KCNJ6: variants seen among roughly 807,000 people sequenced by gnomAD.
KCNJ6 encodes potassium inwardly rectifying channel subfamily J member 6, also known as G protein-activated inward rectifier potassium channel 2.
Under a neutral mutation model 34.2 loss-of-function variants are expected in KCNJ6, and 9 were observed. The ratio of observed to expected loss-of-function variants is 0.26; its 90% CI spans 0.16 to 0.46. The LOEUF (loss-of-function observed/expected upper bound fraction) is 0.46. Among genes scored for constraint, KCNJ6 ranks in the 20% least tolerant of loss-of-function variants. KCNJ6 has a pLI of 1.00. For missense variants in KCNJ6, 236 were observed against 531.3 expected, an observed-to-expected ratio of 0.44 and a Z score of 5.46; for synonymous variants, 196 against 207.1, an observed-to-expected ratio of 0.95 and a Z score of 0.46.
chr21:37,655,211 G>A lies in KCNJ6; in HGVS notation c.947-29727C>T, dbSNP rs2054453362. Among the ~76,000 whole-genome samples the A allele has an allele frequency of 1.2e-4, 7 of 58,996 alleles. No individual in the cohort carries two copies. The East Asian group carries it at 2.2e-3, about 19-fold the overall frequency. The allele number at this position is 58,996 out of a possible 152,430, so 38.7% of individuals were successfully genotyped here. ...TGTGTGTGTGTGTGTGTGTGTGTGT[G>A]TGTGTGTGTGTGTGAGAGAGAGAGA... On this transcript the variant is annotated intron_variant, in intron 3 of 3. Coordinates refer to ENST00000609713, the MANE Select transcript of KCNJ6 (RefSeq NM_002240.5).
chr21:37,835,477 G>A (rs958864777), intron 2 of KCNJ6, among the ~76,000 whole-genome samples: 1 of 152,192 alleles, frequency 6.6e-6, no homozygotes, highest in Non-Finnish European at 1.5e-5. Flanking sequence ...AAGGTTGGAG[G>A]GCAGTGATGT....
chr21:37,625,130 A>T lies in KCNJ6; in HGVS notation c.*29T>A. ...GACAAGGAAAGATTGTGTTGGGGGG[A>T]GAAGAGAAGGGTTTGCCCAGCTAGG... is the stretch of plus-strand genomic sequence containing the variant. On this transcript the variant is annotated 3_prime_UTR_variant, in exon 4 of 4. Coordinates refer to ENST00000609713, the MANE Select transcript of KCNJ6 (RefSeq NM_002240.5). The T allele has an allele frequency of 6.9e-7, 1 of 1,451,436 alleles. No individual in the cohort carries two copies. The highest frequency in any genetic ancestry group is 9.6e-7 in the Non-Finnish European group (1 of 1,038,844). 89.9% of individuals were successfully genotyped at this position (1,451,436 alleles called of 1,614,324 possible).
intron 1 of KCNJ6, among the ~76,000 whole-genome samples, chr21:37,849,319 C>T (rs2055525987): frequency 6.6e-6 from 1 of 152,160 alleles, no homozygotes; most frequent in Non-Finnish European, 1.5e-5. Flanking sequence ...TTCAGCGTCT[C>T]TCTGGGGGCT....
chr21:37,844,887 A>G (rs1355791960), intron 1 of KCNJ6, among the ~76,000 whole-genome samples: 1 of 152,178 alleles, frequency 6.6e-6, no homozygotes, highest in African/African-American at 2.4e-5. Flanking sequence ...GCTCTGGAAA[A>G]TTCCAAAGCC....
intron 3 of KCNJ6, among the ~76,000 whole-genome samples, chr21:37,634,816 T>TG (rs2054350101): frequency 6.6e-6 from 1 of 151,692 alleles, no homozygotes. Flanking sequence ...TGGAGTGCAG[T>TG]GGCATGATCT....
intron 2 of KCNJ6, among the ~76,000 whole-genome samples, chr21:37,809,362 C>T (rs1280476766): frequency 6.6e-6 from 1 of 151,778 alleles, no homozygotes; most frequent in East Asian, 1.9e-4. Flanking sequence ...ACATCACACT[C>T]CGGGGCCTGT....
chr21:37,879,347 C>T (rs3787861), intron 1 of KCNJ6, among the ~76,000 whole-genome samples: 1 of 152,104 alleles, frequency 6.6e-6, no homozygotes, highest in Admixed American at 6.6e-5. Flanking sequence ...TACTGGACCC[C>T]CTGCAGCACG....
At chr21:37,780,172 T>C (rs538107725) in intron 2 of KCNJ6, among the ~76,000 whole-genome samples, 1 of 152,294 alleles carries the variant, frequency 6.6e-6, no homozygotes, top group East Asian at 1.9e-4. Flanking sequence ...TGGAGGAGGC[T>C]TAAATGCACA....
intron 3 of KCNJ6, among the ~76,000 whole-genome samples, chr21:37,681,168 G>C (rs1012053415): frequency 5.3e-5 from 8 of 152,192 alleles, no homozygotes; most frequent in African/African-American, 1.7e-4. Flanking sequence ...AAAAGGTTCG[G>C]TTCTCACGAC....
chr21:37,875,762 G>A (rs1892682), intron 1 of KCNJ6, among the ~76,000 whole-genome samples: 42,423 of 152,006 alleles, frequency 0.28, 6,223 homozygotes, highest in Middle Eastern at 0.39. Flanking sequence ...CCACAAACCC[G>A]GCCTCCAGAA....
intron 2 of KCNJ6, among the ~76,000 whole-genome samples, chr21:37,716,861 A>G (rs1349189338): frequency 6.6e-6 from 1 of 152,278 alleles, no homozygotes; most frequent in Non-Finnish European, 1.5e-5. Flanking sequence ...AAAGTCTTCT[A>G]CAAGTTTGGT....
intron 3 of KCNJ6, among the ~76,000 whole-genome samples, chr21:37,699,407 T>C (rs2054678994): frequency 6.6e-6 from 1 of 152,198 alleles, no homozygotes; most frequent in South Asian, 2.1e-4. Context: ...GAAGGGATAC[T>C]TAGGGATAGA....
rs560227486 is a variant in KCNJ6, at chr21:37,682,987, G to A, written c.946+31224C>T. On this transcript the variant is annotated intron_variant, in intron 3 of 3. Coordinates refer to ENST00000609713, the MANE Select transcript of KCNJ6 (RefSeq NM_002240.5). ...GCCAGTTAGTGGGGAACCGCGCTTC[G>A]GCCAAATCAGAGCTGGAACATTCAA... 1.2e-3 allele frequency among the ~76,000 whole-genome samples: 179 copies of A among 152,294 alleles called. 1 individual carries two copies. Among genetic ancestry groups the A allele is most frequent in the African/African-American group, 4.0e-3 (168 of 41,550 alleles).
intron 1 of KCNJ6, among the ~76,000 whole-genome samples, chr21:37,882,986 G>C (rs912552729): frequency 1.3e-5 from 2 of 152,238 alleles, no homozygotes; most frequent in East Asian, 3.8e-4. Flanking sequence ...GGATGCATGT[G>C]TGTATGCTCA....
intron 1 of KCNJ6, among the ~76,000 whole-genome samples, chr21:37,878,636 C>T (rs539594534): frequency 3.9e-5 from 6 of 152,254 alleles, no homozygotes; most frequent in Admixed American, 1.3e-4. Context: ...AACTTGTGTG[C>T]TCCAAGCATG....
intron 1 of KCNJ6, among the ~76,000 whole-genome samples, chr21:37,857,500 T>A (rs1474537716): frequency 6.6e-6 from 1 of 152,228 alleles, no homozygotes; most frequent in African/African-American, 2.4e-5. Flanking sequence ...GCAAAGGGAA[T>A]CTTTTTGTGT....
At chr21:37,626,324 G>A (rs192103599) in intron 3 of KCNJ6, among the ~76,000 whole-genome samples, 2 of 152,186 alleles carry the variant, frequency 1.3e-5, no homozygotes, top group Admixed American at 1.3e-4. Flanking sequence ...AGTAGAGACG[G>A]AGTTTCATCG....
intron 1 of KCNJ6, among the ~76,000 whole-genome samples, chr21:37,908,977 A>T (rs1242166793): frequency 1.3e-5 from 2 of 152,218 alleles, no homozygotes; most frequent in Non-Finnish European, 2.9e-5. Context: ...TCTTGCAGTT[A>T]GGTATGACCA....
At chr21:37,882,974 G>A (rs2055717344) in intron 1 of KCNJ6, among the ~76,000 whole-genome samples, 1 of 152,242 alleles carries the variant, frequency 6.6e-6, no homozygotes, top group Non-Finnish European at 1.5e-5. Flanking sequence ...GTGCATGTGT[G>A]TGGATGCATG....
Sources: allele counts gnomAD v4.1 joint callset (sites outside exome capture counted in the v4.1 genomes callset), GRCh38; gene constraint gnomAD v4.1.1; transcripts MANE v1.5; gene names NCBI Gene and HGNC (gene_info 2026-07-23, HGNC 2026-07-21).